LIPE: variants seen among roughly 807,000 people sequenced by gnomAD.
LIPE encodes lipase E, hormone sensitive type, also known as hormone-sensitive lipase.
In LIPE, 66 loss-of-function variants were observed where a neutral mutation model predicts 88.5. The ratio of observed to expected loss-of-function variants is 0.75; its 90% CI spans 0.61 to 0.91. The LOEUF is 0.91. LIPE is among the 40% of genes least tolerant of loss of function. The pLI, the probability that LIPE is intolerant of heterozygous loss-of-function variation, is 0.00. For missense variants in LIPE, 1,346 were observed against 1,434.7 expected (o/e 0.94, Z 1.00); for synonymous variants, 570 against 617.5 (o/e 0.92, Z 1.14).
intron 1 of LIPE, among the ~76,000 whole-genome samples, chr19:42,421,189 G>A (rs778917155): frequency 1.3e-5 from 2 of 152,120 alleles, no homozygotes; most frequent in Non-Finnish European, 2.9e-5. Flanking sequence ...GTGAGCCGCT[G>A]TACCCAGCTA....
chr19:42,426,956 G>A lies in LIPE; in HGVS notation c.194C>T (p.Ala65Val), dbSNP rs778143859. Residue 65 changes from alanine to valine, a missense_variant, in exon 1 of 10, where the codon GCA becomes GTA. By Grantham distance (64) the Ala-to-Val change is moderately conservative (BLOSUM62 0). Transcript: ENST00000244289. The stretch of plus-strand genomic sequence containing the variant: ...CTTCTGGGATTCAGCATCATGTTGT[G>A]CAGGGGTCTCCTGCTGGGTGAGGGG... The part of the protein sequence containing the change: ...QRPLTQQETP[A>V]QHDAESQKEP... 3 of 1,614,110 alleles carry A rather than the reference G, an allele frequency of 1.9e-6. No individual in the cohort carries two copies. The highest frequency in any genetic ancestry group is 2.2e-5 in the South Asian group (2 of 91,078).
Position 42,407,860 on chromosome 19 carries a change from T to C in LIPE, c.1657-69A>G. The C allele has an allele frequency of 1.3e-6, 2 of 1,551,280 alleles. No homozygotes were observed. Among genetic ancestry groups the C allele is most frequent in the Non-Finnish European group, 1.7e-6 (2 of 1,149,172 alleles). On this transcript the variant is annotated intron_variant, in intron 4 of 9. Transcript: ENST00000244289. This position sits in a 1 kb window ranked among gnomAD's most constrained non-coding sequence, Gnocchi z 5.8. ...CAGGGGTGCCCTTCACCTCTCCCTC[T>C]GATCCCCAGTCTTTCCCCTTGTGTG...
chr19:42,409,872 A>G (rs547595810), intron 2 of LIPE, among the ~76,000 whole-genome samples: 2 of 151,694 alleles, frequency 1.3e-5, no homozygotes, highest in African/African-American at 2.4e-5. Context: ...CCTGAAGGGA[A>G]GCCTGGAGAT....
chr19:42,408,814 ACT>A lies in LIPE; in HGVS notation c.1420-494_1420-493del, dbSNP rs1012998847. On this transcript the variant is annotated intron_variant, in intron 2 of 9. Coordinates refer to ENST00000244289, the MANE Select transcript of LIPE (RefSeq NM_005357.4). This position sits in a 1 kb window ranked among gnomAD's most constrained non-coding sequence, Gnocchi z 4.3. ...ACTCCAGCCTGGGCGACAGAGCGAG[ACT>A]CTGTCTCTAAAAAAAAAAAAAGGTG... is the stretch of plus-strand genomic sequence containing the variant. 1.4e-5 allele frequency among the ~76,000 whole-genome samples: 2 copies of A among 146,704 alleles called. No homozygotes were observed. The highest frequency in any genetic ancestry group is 5.0e-5 in the African/African-American group (2 of 40,168).
At chr19:42,422,608 C>T (rs980022038) in intron 1 of LIPE, among the ~76,000 whole-genome samples, 3 of 152,162 alleles carry the variant, frequency 2.0e-5, no homozygotes, top group South Asian at 2.1e-4. Context: ...GCATGGGAAC[C>T]TCCCACGGGT....
intron 1 of LIPE, among the ~76,000 whole-genome samples, chr19:42,418,345 G>T (rs973527915): frequency 1.3e-5 from 2 of 152,176 alleles, no homozygotes; most frequent in Non-Finnish European, 2.9e-5. Flanking sequence ...ACATGTTACA[G>T]AGAACAGTTT....
Position 42,401,617 on chromosome 19 carries a change from T to C in LIPE, c.*195A>G. The C allele has an allele frequency of 1.9e-6, 1 of 528,474 alleles. No individual in the cohort carries two copies. The highest frequency in any genetic ancestry group is 3.3e-6 in the Non-Finnish European group (1 of 306,858). 32.7% of individuals were successfully genotyped at this position (528,474 alleles called of 1,614,324 possible). On this transcript the variant is annotated 3_prime_UTR_variant, in exon 10 of 10. Transcript: ENST00000244289. ...CAGCAGCAGCAGCAAAAGGCAGCGGTGGCGTGCAGGTCCAGCCGTCTCGGT... is the reference window on the plus strand; with the variant it reads ...CAGCAGCAGCAGCAAAAGGCAGCGGCGGCGTGCAGGTCCAGCCGTCTCGGT...
At position 42,407,736 on chromosome 19, in the gene LIPE, G is replaced by T. The variant is rs926430657; in HGVS notation, c.1712C>A (p.Pro571Gln). The change falls in exon 5 of 10, where the codon CCA becomes CAA. Residue 571 changes from proline (P) to glutamine (Q), a missense_variant. Coordinates refer to ENST00000244289, the MANE Select transcript of LIPE (RefSeq NM_005357.4). The surrounding 1 kb of genome is among the most constrained non-coding windows in gnomAD (Gnocchi z 5.8). ...CAGTGGCATCTCAAAGGCTTCGGGTGGCAGGCTGAGCAGGCGGCTTACCCT... is the reference window on the plus strand; with the variant it reads ...CAGTGGCATCTCAAAGGCTTCGGGTTGCAGGCTGAGCAGGCGGCTTACCCT... Reference protein sequence around the residue: ...TVRVSRLLSLPPEAFEMPLTA... With the variant: ...TVRVSRLLSLQPEAFEMPLTA... 14 of 1,567,808 alleles carry T rather than the reference G, an allele frequency of 8.9e-6. No individual in the cohort carries two copies. The highest frequency in any genetic ancestry group is 1.2e-5 in the Non-Finnish European group (14 of 1,157,738).
At position 42,407,664 on chromosome 19, in the gene LIPE, T is replaced by G. The variant is rs746673609; in HGVS notation, c.1784A>C (p.His595Pro). 3.1e-6 allele frequency: 5 copies of G among 1,609,460 alleles called. No individual in the cohort carries two copies. The highest frequency in any genetic ancestry group is 4.2e-6 in the Non-Finnish European group (5 of 1,177,768). The stretch of plus-strand genomic sequence containing the variant: ...GACGAGGACGGGCCCAGGGCCTGTG[T>G]GGGCCAGTGGGGGTGAGATGGTGAC... ...LTVTISPPLA[H>P]TGPGPVLVRL... Residue 595 changes from histidine (H) to proline (P), a missense_variant, in exon 5 of 10, where the codon CAC becomes CCC. His to Pro is a moderately conservative substitution (Grantham distance 77). Coordinates refer to ENST00000244289, the MANE Select transcript of LIPE (RefSeq NM_005357.4). This position sits in a 1 kb window ranked among gnomAD's most constrained non-coding sequence, Gnocchi z 5.8.
In LIPE at chr19:42,407,188, T is replaced by C. The variant is rs1479853785; in HGVS notation, c.2123A>G (p.His708Arg). 4 of 1,521,824 alleles carry C rather than the reference T, an allele frequency of 2.6e-6. No homozygotes were observed. The highest frequency in any genetic ancestry group is 1.4e-5 in the African/African-American group (1 of 72,506). The allele number at this position is 1,521,824 out of a possible 1,614,324, so 94.3% of individuals were successfully genotyped here. The stretch of plus-strand genomic sequence containing the variant: ...CTGAGGCTCACCAAGGAGGGCGCAG[T>C]GCTTGATGGCCCAGCAGTAGGCGAA... ...CFFAYCWAIKHCALLGSTGER... is the reference protein window; with the variant it reads ...CFFAYCWAIKRCALLGSTGER... Residue 708 changes from histidine to arginine, a missense_variant, in exon 6 of 10, where the codon CAC (histidine) becomes CGC (arginine). By Grantham distance (29) the His-to-Arg change is conservative (BLOSUM62 0). Transcript: ENST00000244289. This position sits in a 1 kb window ranked among gnomAD's most constrained non-coding sequence, Gnocchi z 5.8.
At position 42,426,396 on chromosome 19, in the gene LIPE, C is replaced by CG. The variant is rs778766358; in HGVS notation, c.753_754insC (p.Gly252ArgfsTer18). 6.2e-7 allele frequency: 1 copy of CG among 1,614,052 alleles called. No individual in the cohort carries two copies. Among genetic ancestry groups the CG allele is most frequent in the South Asian group, 1.1e-5 (1 of 91,058 alleles). On this transcript the variant is annotated frameshift_variant, in exon 1 of 10. Transcript: ENST00000244289. LOFTEE classifies it high-confidence loss of function. ...AGCTTCACTCCCTGGGCCACCATTCCACCCATCGTGGCTGGAGAATCTGTG... is the reference window on the plus strand; with the variant it reads ...AGCTTCACTCCCTGGGCCACCATTCCGACCCATCGTGGCTGGAGAATCTGTG...
Position 42,410,897 on chromosome 19 carries a change from TG to T in LIPE, c.884-56del. On this transcript the variant is annotated intron_variant, in intron 1 of 9. Coordinates refer to ENST00000244289, the MANE Select transcript of LIPE (RefSeq NM_005357.4). This position sits in a 1 kb window ranked among gnomAD's most constrained non-coding sequence, Gnocchi z 6.1. Reference sequence around the variant, plus strand: ...GGGGCTGGATCAAGCCTTGCTTAGCTGGGGCCCAGGAGTCTGGGCCATAGCT... The same window carrying T: ...GGGGCTGGATCAAGCCTTGCTTAGCTGGGCCCAGGAGTCTGGGCCATAGCT... 1 of 1,487,894 alleles carries T rather than the reference TG, an allele frequency of 6.7e-7. No individual in the cohort carries two copies. Among genetic ancestry groups the T allele is most frequent in the Middle Eastern group, 1.8e-4 (1 of 5,558 alleles). The allele number at this position is 1,487,894 out of a possible 1,614,324, so 92.2% of individuals were successfully genotyped here.
chr19:42,408,450 G>T lies in LIPE; in HGVS notation c.1420-128C>A. Reference sequence around the variant, plus strand: ...AACGTTTCATGAGCTCCTACTGTGTGCTGGGCATAGCTCTCGGCTGGTTCA... The same window carrying T: ...AACGTTTCATGAGCTCCTACTGTGTTCTGGGCATAGCTCTCGGCTGGTTCA... On this transcript the variant is annotated intron_variant, in intron 2 of 9. Coordinates refer to ENST00000244289, the MANE Select transcript of LIPE (RefSeq NM_005357.4). This position sits in a 1 kb window ranked among gnomAD's most constrained non-coding sequence, Gnocchi z 4.3. 2.7e-6 allele frequency: 2 copies of T among 743,984 alleles called. No homozygotes were observed. Among genetic ancestry groups the T allele is most frequent in the Non-Finnish European group, 2.3e-6 (1 of 426,856 alleles). The allele number at this position is 743,984 out of a possible 1,614,324, so 46.1% of individuals were successfully genotyped here. A position where few individuals can be genotyped will look rare whatever the true frequency, so the allele number is the denominator to read the frequency against.
Position 42,406,135 on chromosome 19 carries a change from T to G in LIPE, c.2365+26A>C. ...GAGTCAGACATCCATGCAGTCCTGT[T>G]TCCCTGCTGAGGGTGTGGGCCTCAC... is the stretch of plus-strand genomic sequence containing the variant. On this transcript the variant is annotated intron_variant, in intron 7 of 9. Transcript: ENST00000244289. The surrounding 1 kb of genome is among the most constrained non-coding windows in gnomAD (Gnocchi z 5.7). 6.3e-7 allele frequency: 1 copy of G among 1,576,194 alleles called. No homozygotes were observed. Among genetic ancestry groups the G allele is most frequent in the Non-Finnish European group, 8.7e-7 (1 of 1,150,986 alleles).
In LIPE at chr19:42,408,191, C is replaced by T; in HGVS notation, c.1510+41G>A. 6.2e-7 allele frequency: 1 copy of T among 1,613,724 alleles called. No individual in the cohort carries two copies. On this transcript the variant is annotated intron_variant, in intron 3 of 9. Coordinates refer to ENST00000244289, the MANE Select transcript of LIPE (RefSeq NM_005357.4). This position sits in a 1 kb window ranked among gnomAD's most constrained non-coding sequence, Gnocchi z 4.3. ...GCTTGGGCAGGAGTGGGGAGGAGGG[C>T]CAAGAGAGTAGGCTGCGAGTAGAAC...
intron 8 of LIPE, among the ~76,000 whole-genome samples, chr19:42,404,957 G>A (rs1467454778): frequency 6.6e-6 from 1 of 152,108 alleles, no homozygotes; most frequent in Non-Finnish European, 1.5e-5. Context: ...TGCAACCTCT[G>A]CTACCCAGGT....
chr19:42,416,819 G>C (rs576329067), intron 1 of LIPE, among the ~76,000 whole-genome samples: 1 of 152,338 alleles, frequency 6.6e-6, no homozygotes, highest in East Asian at 1.9e-4. Context: ...AAAGGGCCCT[G>C]GTGGAGTAGA....
chr19:42,410,651 C>A lies in LIPE; in HGVS notation c.1075G>T (p.Ala359Ser), dbSNP rs753717150. 6.2e-7 allele frequency: 1 copy of A among 1,612,742 alleles called. No individual in the cohort carries two copies. Among genetic ancestry groups the A allele is most frequent in the Non-Finnish European group, 8.5e-7 (1 of 1,179,168 alleles). The change falls in exon 2 of 10, where the codon GCG becomes TCG. Residue 359 changes from alanine (A) to serine (S), a missense_variant. By Grantham distance (99) the Ala-to-Ser change is moderately conservative (BLOSUM62 1). Coordinates refer to ENST00000244289, the MANE Select transcript of LIPE (RefSeq NM_005357.4). This position sits in a 1 kb window ranked among gnomAD's most constrained non-coding sequence, Gnocchi z 6.1. ...EPALGRLLGV[A>S]HLFDLDPETP... ...TCTGGGTCCAGGTCAAAGAGGTGCG[C>A]CACACCCAGCAGGCGGCCCAGGGCC...
chr19:42,424,454 C>T (rs1568614873), intron 1 of LIPE: 1 of 456,042 alleles, frequency 2.2e-6, no homozygotes, highest in Non-Finnish European at 4.4e-6. Context: ...GCGGGCATCC[C>T]TTGAGACTGT....
Sources: gnomAD v4.1 joint callset for allele counts (sites outside exome capture counted in the v4.1 genomes callset) on GRCh38, gnomAD v4.1.1 for gene constraint, Gnocchi (gnomAD v3.1) non-coding constraint, MANE v1.5 for transcripts, NCBI Gene and HGNC (gene_info 2026-07-23, HGNC 2026-07-21) for gene names.